Variants in CACNA1D observed in about 807,000 individuals in gnomAD.
CACNA1D encodes calcium voltage-gated channel subunit alpha1 D.
A neutral mutation model predicts 257.1 loss-of-function variants in CACNA1D; 55 were observed. The ratio of observed to expected loss-of-function variants is 0.21; its 90% CI spans 0.17 to 0.27. The LOEUF is 0.27. Ranked by LOEUF, CACNA1D falls within the 10% of genes least tolerant of loss-of-function variation. CACNA1D has a pLI of 1.00. For synonymous variants in CACNA1D, 980 were observed against 1,014.9 expected, an observed-to-expected ratio of 0.97 and a Z score of 0.65; for missense variants, 1,876 against 2,784.0, an observed-to-expected ratio of 0.67 and a Z score of 7.34.
intron 32 of CACNA1D, among the ~76,000 whole-genome samples, chr3:53,771,085 T>C (rs2095363810): frequency 6.6e-6 from 1 of 152,164 alleles, no homozygotes; most frequent in Non-Finnish European, 1.5e-5. Context: ...CACCTCTGAT[T>C]CTCCAGGCTG....
chr3:53,792,626 A>T (rs2095489566), intron 40 of CACNA1D, among the ~76,000 whole-genome samples: 1 of 152,104 alleles, frequency 6.6e-6, no homozygotes, highest in African/African-American at 2.4e-5. Flanking sequence ...CCTTCCAAGC[A>T]TCCTGGGAGG....
chr3:53,763,859 T>C (rs565012355), intron 30 of CACNA1D, among the ~76,000 whole-genome samples: 46 of 152,244 alleles, frequency 3.0e-4, no homozygotes, highest in African/African-American at 8.7e-4. Flanking sequence ...CCAAGTGGGG[T>C]GAATAACATC....
intron 3 of CACNA1D, among the ~76,000 whole-genome samples, chr3:53,548,528 G>A (rs759402560): frequency 5.3e-5 from 8 of 152,104 alleles, no homozygotes; most frequent in Non-Finnish European, 1.0e-4. Context: ...TGCTGTGCTC[G>A]AGTGATGGTG....
intron 8 of CACNA1D, among the ~76,000 whole-genome samples, chr3:53,695,302 C>T (rs1365201927): frequency 6.6e-6 from 1 of 152,198 alleles, no homozygotes; most frequent in Non-Finnish European, 1.5e-5. Flanking sequence ...GGGGAAGTTG[C>T]TGCATCCCAG....
intron 27 of CACNA1D, among the ~76,000 whole-genome samples, chr3:53,749,675 T>A (rs1348320674): frequency 6.6e-6 from 1 of 152,182 alleles, no homozygotes; most frequent in African/African-American, 2.4e-5. Flanking sequence ...ACTTTGTAAT[T>A]ATGAAATCCA....
chr3:53,601,129 C>T (rs927992924), intron 3 of CACNA1D, among the ~76,000 whole-genome samples: 1 of 152,158 alleles, frequency 6.6e-6, no homozygotes, highest in African/African-American at 2.4e-5. Context: ...CCTGTGCCCC[C>T]TTCGGAGACC....
At chr3:53,710,264 G>T (rs1032759023) in intron 9 of CACNA1D, 2 of 404,222 alleles carry the variant, frequency 4.9e-6, no homozygotes, top group South Asian at 1.8e-5. Flanking sequence ...TAGCAGGAGG[G>T]GTCTGGGGCA....
intron 3 of CACNA1D, among the ~76,000 whole-genome samples, chr3:53,568,405 C>T (rs1199084446): frequency 6.6e-6 from 1 of 152,196 alleles, no homozygotes; most frequent in East Asian, 1.9e-4. Context: ...CTTCCAGCCT[C>T]ACTCTCGGCC....
intron 3 of CACNA1D, among the ~76,000 whole-genome samples, chr3:53,549,585 A>T (rs2107573590): frequency 6.6e-6 from 1 of 152,340 alleles, no homozygotes; most frequent in South Asian, 2.1e-4. Flanking sequence ...ATGACTGTTC[A>T]GAGACACAGT....
intron 8 of CACNA1D, among the ~76,000 whole-genome samples, chr3:53,675,636 A>G (rs1345411874): frequency 1.3e-5 from 2 of 152,198 alleles, no homozygotes; most frequent in Admixed American, 6.5e-5. Flanking sequence ...GCTTCCCACT[A>G]TCACAAATGG....
At position 53,762,463 on chromosome 3, in the gene CACNA1D, A is replaced by G. The variant is rs372102081; in HGVS notation, c.3870+382A>G. On this transcript the variant is annotated intron_variant, in intron 30 of 47. Coordinates refer to ENST00000350061, the MANE Select transcript of CACNA1D (RefSeq NM_001128840.3). ...AGTCGCCGTGTGGCGCGATGCTAGAATGTTCCCCTTTTGTAACACTGTCCT... is the reference window on the plus strand; with the variant it reads ...AGTCGCCGTGTGGCGCGATGCTAGAGTGTTCCCCTTTTGTAACACTGTCCT... The G allele has an allele frequency of 3.9e-4, 176 of 445,884 alleles. 1 individual carries two copies. In the East Asian group the frequency reaches 5.3e-3, roughly 13 times the overall value. The allele number at this position is 445,884 out of a possible 1,614,324, so 27.6% of individuals were successfully genotyped here. A position where few individuals can be genotyped will look rare whatever the true frequency, so the allele number is the denominator to read the frequency against.
intron 3 of CACNA1D, among the ~76,000 whole-genome samples, chr3:53,622,536 C>T (rs1392524224): frequency 1.3e-5 from 2 of 152,150 alleles, no homozygotes; most frequent in Admixed American, 6.5e-5. Context: ...AAACCAAATA[C>T]TGCATGTTCT....
rs2095132565 is a variant in CACNA1D, at chr3:53,743,001, C to T, written c.2812-10C>T. 1.3e-6 allele frequency: 2 copies of T among 1,566,076 alleles called. No homozygotes were observed. The highest frequency in any genetic ancestry group is 2.7e-5 in the African/African-American group (2 of 73,852). ...AAAAAATGGTAAATCATCCATGATT[C>T]TGCTTCTAGATGACAACTTTTGGAG... On this transcript the variant is annotated splice_polypyrimidine_tract_variant and intron_variant, in intron 21 of 47. Transcript: ENST00000350061.
intron 3 of CACNA1D, among the ~76,000 whole-genome samples, chr3:53,615,621 A>T (rs770846945): frequency 5.3e-5 from 8 of 152,176 alleles, no homozygotes; most frequent in African/African-American, 1.2e-4. Context: ...TATTCTGTGC[A>T]TTGTTTATTA....
intron 3 of CACNA1D, among the ~76,000 whole-genome samples, chr3:53,506,962 A>T (rs912494742): frequency 6.8e-6 from 1 of 147,874 alleles, no homozygotes; most frequent in Admixed American, 6.9e-5. Context: ...AGTCCCAGCT[A>T]TGTGGGAGGC....
chr3:53,625,814 C>T (rs552172973), intron 3 of CACNA1D, among the ~76,000 whole-genome samples: 2 of 152,204 alleles, frequency 1.3e-5, no homozygotes, highest in Middle Eastern at 3.4e-3. Flanking sequence ...GACTGGTTCC[C>T]TGTTAATGTA....
chr3:53,772,636 T>C (rs1239159304), intron 32 of CACNA1D, among the ~76,000 whole-genome samples, 197 bp from the exon 33 acceptor site: 1 of 152,196 alleles, frequency 6.6e-6, no homozygotes, highest in Non-Finnish European at 1.5e-5. Flanking sequence ...TGGGCGTGCA[T>C]GTGGATGGTG....
In CACNA1D at chr3:53,590,526, C is replaced by T. The variant is rs570233303; in HGVS notation, c.484-60253C>T. Among the ~76,000 whole-genome samples, 4 of 152,322 alleles carry T rather than the reference C, an allele frequency of 2.6e-5. No homozygotes were observed. In the East Asian group the frequency reaches 7.7e-4, roughly 29 times the overall value. ...TGCCTTGGCATCCAAATGCCATTGCCCAGACTGTCTCCTATAGTCAGAAAC... is the reference window on the plus strand; with the variant it reads ...TGCCTTGGCATCCAAATGCCATTGCTCAGACTGTCTCCTATAGTCAGAAAC... On this transcript the variant is annotated intron_variant, in intron 3 of 47. Transcript: ENST00000350061.
chr3:53,760,524 T>C (rs2095295048), intron 29 of CACNA1D, among the ~76,000 whole-genome samples: 2 of 152,202 alleles, frequency 1.3e-5, no homozygotes, highest in Non-Finnish European at 2.9e-5. Context: ...ACACAGTTGG[T>C]TTATAGACAG....
Sources: gnomAD v4.1 joint callset for allele counts (sites outside exome capture counted in the v4.1 genomes callset) on GRCh38, gnomAD v4.1.1 for gene constraint, MANE v1.5 for transcripts, NCBI Gene and HGNC (gene_info 2026-07-23, HGNC 2026-07-21) for gene names.